Variants in CUX2 observed in about 807,000 individuals in gnomAD.
CUX2 encodes cut like homeobox 2, also known as homeobox protein cut-like 2.
A neutral mutation model predicts 144.8 loss-of-function variants in CUX2; 40 were observed. The ratio of observed to expected loss-of-function variants is 0.28; its 90% CI spans 0.21 to 0.36. The LOEUF is 0.36. Ranked by LOEUF, CUX2 falls within the 10% of genes least tolerant of loss-of-function variation. CUX2 has a pLI of 1.00. For missense variants in CUX2, 1,615 were observed against 1,994.0 expected (o/e 0.81, Z 3.62); for synonymous variants, 827 against 875.6 (o/e 0.94, Z 0.98).
At chr12:111,330,676 A>AATACATATACAT (rs1565925959) in intron 18 of CUX2, among the ~76,000 whole-genome samples, 2 of 79,190 alleles carry the variant, frequency 2.5e-5, no homozygotes, top group African/African-American at 8.8e-5. Flanking sequence ...TCTATTTAAA[A>AATACATATACAT]ATACATATAC....
intron 4 of CUX2, among the ~76,000 whole-genome samples, chr12:111,265,306 T>C (rs1434344883): frequency 6.9e-6 from 1 of 144,880 alleles, no homozygotes; most frequent in Admixed American, 7.0e-5. Context: ...TTATTTTATT[T>C]TATTTTTATT....
intron 1 of CUX2, among the ~76,000 whole-genome samples, chr12:111,197,333 G>C (rs1404906670): frequency 6.6e-6 from 1 of 152,150 alleles, no homozygotes; most frequent in African/African-American, 2.4e-5. Flanking sequence ...TGGCCCCCAG[G>C]ACTGGATCAA....
At chr12:111,047,279 C>A (rs539038464) in intron 1 of CUX2, among the ~76,000 whole-genome samples, 1 of 152,180 alleles carries the variant, frequency 6.6e-6, no homozygotes, top group Admixed American at 6.5e-5. Context: ...ATGGCCTCCC[C>A]GGTCAATAAA....
chr12:111,041,505 G>A (rs1410934917), intron 1 of CUX2, among the ~76,000 whole-genome samples: 6 of 152,154 alleles, frequency 3.9e-5, no homozygotes, highest in Admixed American at 6.5e-5. Flanking sequence ...AATTGCAGAC[G>A]GGGAGCTATG....
intron 1 of CUX2, among the ~76,000 whole-genome samples, chr12:111,193,775 G>T (rs1262658077): frequency 1.3e-5 from 2 of 152,224 alleles, no homozygotes; most frequent in Non-Finnish European, 2.9e-5. Flanking sequence ...CTCCTGATGA[G>T]ATGTCAAGGT....
At chr12:111,250,494 TA>T (rs1200589127) in intron 3 of CUX2, among the ~76,000 whole-genome samples, 1 of 152,130 alleles carries the variant, frequency 6.6e-6, no homozygotes, top group African/African-American at 2.4e-5. Flanking sequence ...TTGTAAGCTA[TA>T]AAAAGCTCTA....
chr12:111,227,836 T>C (rs2136240574), intron 3 of CUX2, among the ~76,000 whole-genome samples: 1 of 152,252 alleles, frequency 6.6e-6, no homozygotes, highest in Non-Finnish European at 1.5e-5. Context: ...GCAGCATGTA[T>C]TTGGCACCTG....
At chr12:111,332,060 C>G (rs1259471846) in intron 18 of CUX2, among the ~76,000 whole-genome samples, 1 of 145,924 alleles carries the variant, frequency 6.9e-6, no homozygotes, top group Admixed American at 7.0e-5. Flanking sequence ...GCCTGGGCGA[C>G]AGAGTGAGTG....
chr12:111,224,468 G>A (rs1882023722), intron 3 of CUX2, among the ~76,000 whole-genome samples: 1 of 147,444 alleles, frequency 6.8e-6, no homozygotes, highest in Admixed American at 6.8e-5. Flanking sequence ...CTCCGTGTCT[G>A]CCTGCAAACT....
chr12:111,152,233 C>T (rs1018054491), intron 1 of CUX2, among the ~76,000 whole-genome samples: 1 of 151,994 alleles, frequency 6.6e-6, no homozygotes, highest in African/African-American at 2.4e-5. Flanking sequence ...TGCAATGAGC[C>T]AAGATCATGC....
intron 1 of CUX2, among the ~76,000 whole-genome samples, chr12:111,166,042 TG>T (rs1878120383): frequency 1.3e-5 from 2 of 152,300 alleles, no homozygotes; most frequent in South Asian, 4.1e-4. Context: ...TTTTATAGAC[TG>T]GGTGTCTCGC....
chr12:111,314,549 A>C (rs1366059276), intron 16 of CUX2, among the ~76,000 whole-genome samples: 1 of 147,958 alleles, frequency 6.8e-6, no homozygotes, highest in African/African-American at 2.4e-5. Flanking sequence ...CTGAGGCAGG[A>C]GAATTGCTTG....
At chr12:111,302,093 G>C (rs1057350971) in intron 9 of CUX2, among the ~76,000 whole-genome samples, 1 of 152,140 alleles carries the variant, frequency 6.6e-6, no homozygotes, top group South Asian at 2.1e-4. Flanking sequence ...CTGGAACAAG[G>C]CAAGATACGT....
At chr12:111,284,731 C>T (rs946095723) in intron 4 of CUX2, among the ~76,000 whole-genome samples, 4 of 152,178 alleles carry the variant, frequency 2.6e-5, no homozygotes, top group Non-Finnish European at 5.9e-5. Flanking sequence ...GCTCACCTCC[C>T]GCTTCTTGCT....
chr12:111,263,249 C>T lies in CUX2; in HGVS notation c.223-512C>T, dbSNP rs960441989. 2.0e-5 allele frequency among the ~76,000 whole-genome samples: 3 copies of T among 152,038 alleles called. No homozygotes were observed. The highest frequency in any genetic ancestry group is 4.4e-5 in the Non-Finnish European group (3 of 68,014). ...CTTTGGGAGGCCGAGGCAGGGGAATCGCAGGAGGTCGAGACAAGCCTGGGC... is the reference window on the plus strand; with the variant it reads ...CTTTGGGAGGCCGAGGCAGGGGAATTGCAGGAGGTCGAGACAAGCCTGGGC... On this transcript the variant is annotated intron_variant, in intron 3 of 21. Coordinates refer to ENST00000261726, the MANE Select transcript of CUX2 (RefSeq NM_015267.4). The surrounding 1 kb of genome is among the most constrained non-coding windows in gnomAD (Gnocchi z 4.0).
Position 111,193,904 on chromosome 12 carries a change from G to T in CUX2, c.64-20296G>T, listed in dbSNP as rs73415953. On this transcript the variant is annotated intron_variant, in intron 1 of 21. Coordinates refer to ENST00000261726, the MANE Select transcript of CUX2 (RefSeq NM_015267.4). Reference sequence around the variant, plus strand: ...GCTGGGATGGAGACAGTCTGTCCCAGGATGGAGCAGACAGTGAAGGAAACC... The same window carrying T: ...GCTGGGATGGAGACAGTCTGTCCCATGATGGAGCAGACAGTGAAGGAAACC... Among the ~76,000 whole-genome samples the T allele has an allele frequency of 4.3e-3, 653 of 152,108 alleles. 7 individuals are homozygous for T. The highest frequency in any genetic ancestry group is 0.015 in the African/African-American group (620 of 41,390).
intron 18 of CUX2, among the ~76,000 whole-genome samples, chr12:111,334,048 G>A (rs1392672019): frequency 2.6e-5 from 4 of 151,378 alleles, no homozygotes; most frequent in Non-Finnish European, 4.4e-5. Flanking sequence ...TTAGCAGGGC[G>A]TAGTGGCGCA....
chr12:111,121,543 G>A (rs1175803521), intron 1 of CUX2, among the ~76,000 whole-genome samples: 1 of 151,498 alleles, frequency 6.6e-6, no homozygotes, highest in Non-Finnish European at 1.5e-5. Flanking sequence ...CACCCAGCTA[G>A]TAGAGGTGGG....
At position 111,201,111 on chromosome 12, in the gene CUX2, A is replaced by G. The variant is rs891152574; in HGVS notation, c.64-13089A>G. Among the ~76,000 whole-genome samples, 4 of 152,028 alleles carry G rather than the reference A, an allele frequency of 2.6e-5. 1 individual carries two copies. Among genetic ancestry groups the G allele is most frequent in the Admixed American group, 1.3e-4 (2 of 15,280 alleles). On this transcript the variant is annotated intron_variant, in intron 1 of 21. Transcript: ENST00000261726. Reference sequence around the variant, plus strand: ...CCTCGTTTGAGGGCCTCCCCTCTCAATCTCACCTTCAGCCTCCCTGGCCGG... The same window carrying G: ...CCTCGTTTGAGGGCCTCCCCTCTCAGTCTCACCTTCAGCCTCCCTGGCCGG...
Sources: allele counts gnomAD v4.1 joint callset (sites outside exome capture counted in the v4.1 genomes callset), GRCh38; gene constraint gnomAD v4.1.1; non-coding constraint Gnocchi (gnomAD v3.1); transcripts MANE v1.5; gene names NCBI Gene and HGNC (gene_info 2026-07-23, HGNC 2026-07-21).